ATG14: variants seen among roughly 807,000 people sequenced by gnomAD.
ATG14 encodes autophagy related 14.
A neutral mutation model predicts 60.4 loss-of-function variants in ATG14; 35 were observed. That is an observed-to-expected ratio of 0.58 (90% CI 0.44 to 0.77). ATG14 has a LOEUF of 0.77. ATG14 is among the 30% of genes least tolerant of loss of function. The pLI is 0.00. For synonymous variants in ATG14, 234 were observed against 228.8 expected (o/e 1.02, Z -0.21); for missense variants, 647 against 626.3 (o/e 1.03, Z -0.35).
At chr14:55,374,843 T>G (rs886296120) in intron 9 of ATG14, among the ~76,000 whole-genome samples, 2 of 152,208 alleles carry the variant, frequency 1.3e-5, no homozygotes, top group South Asian at 2.1e-4. Flanking sequence ...CGGGACTATT[T>G]TCTTCCTCTA....
Position 55,386,116 on chromosome 14 carries a change from C to T in ATG14, c.410-20G>A, listed in dbSNP as rs1309559882. ...CAGAATCTAAAATAAATAAATCACA[C>T]CCAACAATTATCTCTGCAAACAGTT... On this transcript the variant is annotated intron_variant, in intron 4 of 9. Coordinates refer to ENST00000247178, the MANE Select transcript of ATG14 (RefSeq NM_014924.5). 6.3e-7 allele frequency: 1 copy of T among 1,586,236 alleles called. No individual in the cohort carries two copies.
chr14:55,382,793 G>C (rs1360690385), intron 5 of ATG14, among the ~76,000 whole-genome samples: 1 of 152,142 alleles, frequency 6.6e-6, no homozygotes, highest in Non-Finnish European at 1.5e-5. Flanking sequence ...AAACTACTTG[G>C]TCTCAACACC....
At chr14:55,401,023 A>C (rs890691248) in intron 1 of ATG14, among the ~76,000 whole-genome samples, 4 of 152,096 alleles carry the variant, frequency 2.6e-5, no homozygotes, top group African/African-American at 9.7e-5. Flanking sequence ...CCTCTAAAAC[A>C]CTTTATACAG....
chr14:55,383,109 T>G (rs1885063193), intron 5 of ATG14, among the ~76,000 whole-genome samples: 1 of 152,202 alleles, frequency 6.6e-6, no homozygotes, highest in South Asian at 2.1e-4. Context: ...TGCTTTTCCT[T>G]GAGCCAGCAA....
intron 1 of ATG14, among the ~76,000 whole-genome samples, chr14:55,398,312 GT>G (rs1885348171): frequency 6.6e-6 from 1 of 151,972 alleles, no homozygotes; most frequent in Admixed American, 6.6e-5. Context: ...ACTTACTTGG[GT>G]TTTTTGTTTT....
intron 5 of ATG14, among the ~76,000 whole-genome samples, chr14:55,385,260 C>T (rs1885103280): frequency 1.3e-5 from 2 of 152,048 alleles, no homozygotes; most frequent in Admixed American, 6.6e-5. Flanking sequence ...TAATAAATGG[C>T]CCAATACCAC....
At chr14:55,374,070 T>A (rs1379993440) in intron 9 of ATG14, among the ~76,000 whole-genome samples, 1 of 152,244 alleles carries the variant, frequency 6.6e-6, no homozygotes, top group African/African-American at 2.4e-5. Context: ...TCAGACCCGC[T>A]ACAAAAATTC....
At position 55,369,353 on chromosome 14, in the gene ATG14, C is replaced by A. The variant is rs570600886; in HGVS notation, c.*266G>T. 1 of 280,476 alleles carries A rather than the reference C, an allele frequency of 3.6e-6. No individual in the cohort carries two copies. Among genetic ancestry groups the A allele is most frequent in the Non-Finnish European group, 6.6e-6 (1 of 152,070 alleles). The allele number at this position is 280,476 out of a possible 1,614,324, so 17.4% of individuals were successfully genotyped here. A position where few individuals can be genotyped will look rare whatever the true frequency, so the allele number is the denominator to read the frequency against. On this transcript the variant is annotated 3_prime_UTR_variant, in exon 10 of 10. Coordinates refer to ENST00000247178, the MANE Select transcript of ATG14 (RefSeq NM_014924.5). ...TGCTTCCTTGGCAGAACTGGCCACA[C>A]GCACAGGTCCTCCTTCCACCAGCAC... is the stretch of plus-strand genomic sequence containing the variant.
At chr14:55,385,158 T>C (rs1885101939) in intron 5 of ATG14, among the ~76,000 whole-genome samples, 1 of 152,220 alleles carries the variant, frequency 6.6e-6, no homozygotes, top group African/African-American at 2.4e-5. Context: ...TTTGTCATGA[T>C]TTCTCTGTGA....
At chr14:55,373,523 G>A (rs1252457625) in intron 9 of ATG14, among the ~76,000 whole-genome samples, 1 of 152,058 alleles carries the variant, frequency 6.6e-6, no homozygotes, top group South Asian at 2.1e-4. Context: ...GTAGCAGCAC[G>A]ATCTCAGCTC....
chr14:55,394,070 A>G (rs8022041), intron 3 of ATG14, among the ~76,000 whole-genome samples: 83,096 of 149,300 alleles, frequency 0.56, 26,038 homozygotes, highest in African/African-American at 0.87. Flanking sequence ...ACAGTGGCGC[A>G]ATCTCGGCTC....
intron 1 of ATG14, among the ~76,000 whole-genome samples, chr14:55,400,262 G>A (rs903791747): frequency 1.3e-5 from 2 of 152,020 alleles, no homozygotes; most frequent in African/African-American, 4.8e-5. Flanking sequence ...TCCAAGAGGT[G>A]AAAAATAGAG....
In ATG14 at chr14:55,367,459, G is replaced by A. The variant is rs975783558; in HGVS notation, c.*2160C>T. On this transcript the variant is annotated 3_prime_UTR_variant, in exon 10 of 10. Transcript: ENST00000247178. ...CCCAGCAGTGTAGAAGAACCCATAA[G>A]GGGCCGGGCGCGGTGGCTCAGGCCT... 2.0e-5 allele frequency: 3 copies of A among 152,176 alleles called. No individual in the cohort carries two copies. Among genetic ancestry groups the A allele is most frequent in the Non-Finnish European group, 2.9e-5 (2 of 68,050 alleles). The allele number at this position is 152,176 out of a possible 1,614,324, so 9.4% of individuals were successfully genotyped here.
chr14:55,367,733 G>A lies in ATG14; in HGVS notation c.*1886C>T, dbSNP rs1884712457. 7.1e-6 allele frequency: 1 copy of A among 140,350 alleles called. No homozygotes were observed. Among genetic ancestry groups the A allele is most frequent in the African/African-American group, 2.6e-5 (1 of 38,876 alleles). The allele number at this position is 140,350 out of a possible 1,614,324, so 8.7% of individuals were successfully genotyped here. ...CACTCCAGCCTGGGCAGCTGAGTGA[G>A]ACTCCGTCTCCAAAAAAAAAAAAGA... On this transcript the variant is annotated 3_prime_UTR_variant, in exon 10 of 10. Transcript: ENST00000247178.
At chr14:55,375,725 GTTTC>G (rs1207317726) in intron 9 of ATG14, among the ~76,000 whole-genome samples, 1 of 152,044 alleles carries the variant, frequency 6.6e-6, no homozygotes, top group Non-Finnish European at 1.5e-5. Flanking sequence ...TCCCAACTTA[GTTTC>G]TTTCTTTCCA....
rs749914437 is a variant in ATG14, at chr14:55,386,045, C to T, written c.461G>A (p.Arg154Gln). 5 of 1,613,946 alleles carry T rather than the reference C, an allele frequency of 3.1e-6. No homozygotes were observed. The highest frequency in any genetic ancestry group is 3.4e-6 in the Non-Finnish European group (4 of 1,179,980). Residue 154 changes from arginine to glutamine, a missense_variant, in exon 5 of 10, where the codon CGA becomes CAA. Arg to Gln is a conservative substitution (Grantham distance 43). Transcript: ENST00000247178. Reference protein sequence around the residue: ...TKEKNQKLYSRAQRHQEKKEK... With the variant: ...TKEKNQKLYSQAQRHQEKKEK... ...CTTTTTCTCTTGGTGCCGTTGTGCTCGACTGTAAAGCTTCTGATTCTTTTC... is the reference window on the plus strand; with the variant it reads ...CTTTTTCTCTTGGTGCCGTTGTGCTTGACTGTAAAGCTTCTGATTCTTTTC...
At chr14:55,401,841 G>A (rs1885404975) in intron 1 of ATG14, among the ~76,000 whole-genome samples, 1 of 152,202 alleles carries the variant, frequency 6.6e-6, no homozygotes, top group African/African-American at 2.4e-5. Flanking sequence ...AGACCTGAGG[G>A]TGAGCCAGAG....
chr14:55,388,941 G>A lies in ATG14; in HGVS notation c.409+1970C>T, dbSNP rs1468616918. 2.6e-5 allele frequency among the ~76,000 whole-genome samples: 4 copies of A among 152,006 alleles called. No homozygotes were observed. In the South Asian group the frequency reaches 8.3e-4, roughly 32 times the overall value. ...GAGGACAGAAATACAGAGTAAGCAC[G>A]TTGAAGCTTTTTTTTTTCAACATGG... is the stretch of plus-strand genomic sequence containing the variant. On this transcript the variant is annotated intron_variant, in intron 4 of 9. Coordinates refer to ENST00000247178, the MANE Select transcript of ATG14 (RefSeq NM_014924.5).
chr14:55,371,895 A>T (rs888316605), intron 9 of ATG14, among the ~76,000 whole-genome samples: 7 of 152,198 alleles, frequency 4.6e-5, no homozygotes, highest in Non-Finnish European at 8.8e-5. Context: ...GTATTTTGCA[A>T]GGGTGAAAGG....
Sources: allele counts gnomAD v4.1 joint callset (sites outside exome capture counted in the v4.1 genomes callset), GRCh38; gene constraint gnomAD v4.1.1; transcripts MANE v1.5; gene names NCBI Gene and HGNC (gene_info 2026-07-23, HGNC 2026-07-21).